HYOU1: variants seen among roughly 807,000 people sequenced by gnomAD.
HYOU1 encodes the protein hypoxia up-regulated 1, also known as hypoxia up-regulated protein 1.
A neutral mutation model predicts 120.5 loss-of-function variants in HYOU1; 40 were observed. The observed-to-expected ratio is 0.33, with a 90% CI of 0.26 to 0.43. HYOU1 has a LOEUF of 0.43. Ranked by LOEUF, HYOU1 falls within the 20% of genes least tolerant of loss-of-function variation. HYOU1 has a pLI of 1.00. For missense variants in HYOU1, 1,085 were observed against 1,278.3 expected (o/e 0.85, Z 2.31); for synonymous variants, 501 against 479.4 (o/e 1.05, Z -0.59).
At position 119,052,000 on chromosome 11, in the gene HYOU1, G is replaced by C. The variant is rs200570137; in HGVS notation, c.1206-49C>G. 6.2e-7 allele frequency: 1 copy of C among 1,612,964 alleles called. No individual in the cohort carries two copies. The highest frequency in any genetic ancestry group is 8.5e-7 in the Non-Finnish European group (1 of 1,179,236). ...ACGGTCTACCCTGGAGCATGCAACC[G>C]GGACTTCCCTCCCCTCAGCCCTCCA... On this transcript the variant is annotated intron_variant, in intron 11 of 25. Coordinates refer to ENST00000617285, the MANE Select transcript of HYOU1 (RefSeq NM_006389.5). The surrounding 1 kb of genome is among the most constrained non-coding windows in gnomAD (Gnocchi z 4.2).
intron 24 of HYOU1, 53 bp from the exon 25 acceptor site, chr11:119,045,884 G>A (rs2133545906): frequency 6.3e-7 from 1 of 1,574,846 alleles, no homozygotes; most frequent in South Asian, 1.1e-5. Context: ...AGAGGCTAAG[G>A]GAAGGCTGGG....
rs2133559577 is a variant in HYOU1 at position 119,047,937 on chromosome 11, G to T, written c.2510+10C>A. Reference sequence around the variant, plus strand: ...GGCAGGACTGCAAAAAGGGTTCAGGGGCTGCTCACTTGAGGAACATGCTGG... The same window carrying T: ...GGCAGGACTGCAAAAAGGGTTCAGGTGCTGCTCACTTGAGGAACATGCTGG... On this transcript the variant is annotated intron_variant, in intron 21 of 25. Coordinates refer to ENST00000617285, the MANE Select transcript of HYOU1 (RefSeq NM_006389.5). 6.2e-7 allele frequency: 1 copy of T among 1,614,172 alleles called. No individual in the cohort carries two copies. The highest frequency in any genetic ancestry group is 8.5e-7 in the Non-Finnish European group (1 of 1,180,030).
At position 119,047,982 on chromosome 11, in the gene HYOU1, G is replaced by A. The variant is rs200889803; in HGVS notation, c.2475C>T (p.Leu825=). 1.4e-4 allele frequency: 228 copies of A among 1,614,146 alleles called. No individual in the cohort carries two copies. The highest frequency in any genetic ancestry group is 1.8e-4 in the Non-Finnish European group (213 of 1,180,026). Residue 825 remains leucine, a synonymous_variant, in exon 21 of 26, where the codon CTC becomes CTT. Coordinates refer to ENST00000617285, the MANE Select transcript of HYOU1 (RefSeq NM_006389.5). The stretch of plus-strand genomic sequence containing the variant: ...TGCTGGAATGGTTGAGGAGATTATC[G>A]AGGGCAGACAGCCGTTCGGGCCACT... ...RKKWPERLSA[L]DNLLNHSSMF... is the part of the protein sequence containing the mutation.
chr11:119,049,268 G>T (rs782739531), intron 16 of HYOU1, 65 bp from the exon 17 acceptor site: 3 of 1,590,532 alleles, frequency 1.9e-6, no homozygotes, highest in East Asian at 2.2e-5. Context: ...GGCCTGGCTC[G>T]GCACCGCCGA....
rs1465972776 is a variant in HYOU1, at chr11:119,045,410, G to T, written c.*183C>A. On this transcript the variant is annotated 3_prime_UTR_variant, in exon 26 of 26. Coordinates refer to ENST00000617285, the MANE Select transcript of HYOU1 (RefSeq NM_006389.5). ...AACAGTTTCCATTTTTAACCACAGA[G>T]GTACTGCAGAAGGAACCAGTGAGCT... is the stretch of plus-strand genomic sequence containing the variant. 2.8e-6 allele frequency: 2 copies of T among 714,562 alleles called. No individual in the cohort carries two copies. The highest frequency in any genetic ancestry group is 3.5e-5 in the African/African-American group (2 of 57,816). 44.3% of individuals were successfully genotyped at this position (714,562 alleles called of 1,614,324 possible).
At chr11:119,053,955 C>T (rs1370226088) in intron 8 of HYOU1, 166 bp downstream of exon 8, 6 of 564,596 alleles carry the variant, frequency 1.1e-5, no homozygotes. Context: ...CCCTGAGCCT[C>T]AGCTTCCCCT....
intron 22 of HYOU1, chr11:119,047,478 C>A: frequency 2.2e-6 from 1 of 456,396 alleles, no homozygotes; most frequent in Admixed American, 3.7e-5. Flanking sequence ...CTGAACCTAG[C>A]TCAAATCCCA....
Position 119,049,204 on chromosome 11 carries a change from C to G in HYOU1, c.1807-1G>C. 6.3e-7 allele frequency: 1 copy of G among 1,591,176 alleles called. No individual in the cohort carries two copies. The highest frequency in any genetic ancestry group is 1.7e-4 in the Middle Eastern group (1 of 5,912). ...CCTCTGCAGGGCTCTCCTCTTCCTC[C>G]TGGGAAACACCACAGGCGCCCCAGG... On this transcript the variant is annotated splice_acceptor_variant, in intron 16 of 25. Transcript: ENST00000617285. LOFTEE classifies it high-confidence loss of function.
At position 119,045,484 on chromosome 11, in the gene HYOU1, G is replaced by A. The variant is rs1944005972; in HGVS notation, c.*109C>T. On this transcript the variant is annotated 3_prime_UTR_variant, in exon 26 of 26. Coordinates refer to ENST00000617285, the MANE Select transcript of HYOU1 (RefSeq NM_006389.5). ...ACCTCCAAATCACAGGGGTGAGAAA[G>A]GAACTCCAGCCGAGGGCAGGACCAA... is the stretch of plus-strand genomic sequence containing the variant. The A allele has an allele frequency of 1.1e-6, 1 of 948,886 alleles. No homozygotes were observed. The highest frequency in any genetic ancestry group is 1.7e-6 in the Non-Finnish European group (1 of 579,368). 58.8% of individuals were successfully genotyped at this position (948,886 alleles called of 1,614,324 possible). A position where few individuals can be genotyped will look rare whatever the true frequency, so the allele number is the denominator to read the frequency against.
At position 119,055,460 on chromosome 11, in the gene HYOU1, C is replaced by T. The variant is rs2133613406; in HGVS notation, c.264+33G>A. ...GGGGCTGCCATCTCCTCTCCTCTGC[C>T]CACCACTCTGGGAAGAGGGACTGCT... On this transcript the variant is annotated intron_variant, in intron 4 of 25. Coordinates refer to ENST00000617285, the MANE Select transcript of HYOU1 (RefSeq NM_006389.5). This position sits in a 1 kb window ranked among gnomAD's most constrained non-coding sequence, Gnocchi z 4.0. The T allele has an allele frequency of 2.5e-6, 4 of 1,610,202 alleles. No homozygotes were observed. Among genetic ancestry groups the T allele is most frequent in the Non-Finnish European group, 3.4e-6 (4 of 1,176,574 alleles).
chr11:119,049,965 T>C, intron 14 of HYOU1, 128 bp from the exon 15 acceptor site: 1 of 838,474 alleles, frequency 1.2e-6, no homozygotes. Context: ...ACCTGCCTTT[T>C]CTAAGGACTT....
At position 119,055,059 on chromosome 11, in the gene HYOU1, G is replaced by T; in HGVS notation, c.421C>A (p.Gln141Lys). 6.2e-7 allele frequency: 1 copy of T among 1,614,112 alleles called. No individual in the cohort carries two copies. Among genetic ancestry groups the T allele is most frequent in the Middle Eastern group, 1.6e-4 (1 of 6,062 alleles). ...RQTVHFQISS[Q>K]LQFSPEEVLG... is the part of the protein sequence containing the mutation. ...ACTTCCTCAGGTGAGAACTGCAGCT[G>T]CCTGAGGGGAAGGAAGGTAGTTGGA... The change falls in exon 6 of 26, where the codon CAG becomes AAG. Residue 141 changes from glutamine (Q) to lysine (K), a missense_variant and splice_region_variant. This residue lies in a region of HYOU1 where 515 missense variants were observed against 677.8 expected (regional missense o/e 0.76). Transcript: ENST00000617285. This position sits in a 1 kb window ranked among gnomAD's most constrained non-coding sequence, Gnocchi z 4.0.
Position 119,048,547 on chromosome 11 carries a change from G to A in HYOU1, c.2182C>T (p.Leu728Phe), listed in dbSNP as rs1944225026. ...QSVQKLQDLTLRDLEKQEREK... is the reference protein window; with the variant it reads ...QSVQKLQDLTFRDLEKQEREK... ...CGTTCCTGCTTCTCCAGGTCTCGGA[G>A]TGTCAAGTCCTGAAGTCTATGGGAC... Residue 728 changes from leucine (L) to phenylalanine (F), a missense_variant, in exon 19 of 26, where the codon CTC (leucine) becomes TTC (phenylalanine). By Grantham distance (22) the Leu-to-Phe change is conservative. Coordinates refer to ENST00000617285, the MANE Select transcript of HYOU1 (RefSeq NM_006389.5). The surrounding 1 kb of genome is among the most constrained non-coding windows in gnomAD (Gnocchi z 4.7). 2 of 1,614,060 alleles carry A rather than the reference G, an allele frequency of 1.2e-6. No homozygotes were observed. The highest frequency in any genetic ancestry group is 1.1e-5 in the South Asian group (1 of 91,078).
rs1943955840 is a variant in HYOU1 at position 119,044,421 on chromosome 11, TG to T, written c.*1171del. The T allele has an allele frequency of 6.6e-6, 1 of 152,120 alleles. No individual in the cohort carries two copies. 9.4% of individuals were successfully genotyped at this position (152,120 alleles called of 1,614,324 possible). A position where few individuals can be genotyped will look rare whatever the true frequency, so the allele number is the denominator to read the frequency against. On this transcript the variant is annotated 3_prime_UTR_variant, in exon 26 of 26. Transcript: ENST00000617285. The stretch of plus-strand genomic sequence containing the variant: ...GACACAGCCAGGTTCATTCTTGTCT[TG>T]GAGCTGAGGCAGCAGCCCTAGCTCC...
Position 119,055,461 on chromosome 11 carries a change from C to A in HYOU1, c.264+32G>T. The A allele has an allele frequency of 6.2e-7, 1 of 1,610,596 alleles. No homozygotes were observed. The highest frequency in any genetic ancestry group is 8.5e-7 in the Non-Finnish European group (1 of 1,176,940). ...GGGCTGCCATCTCCTCTCCTCTGCC[C>A]ACCACTCTGGGAAGAGGGACTGCTA... On this transcript the variant is annotated intron_variant, in intron 4 of 25. Coordinates refer to ENST00000617285, the MANE Select transcript of HYOU1 (RefSeq NM_006389.5). This position sits in a 1 kb window ranked among gnomAD's most constrained non-coding sequence, Gnocchi z 4.0.
chr11:119,053,114 C>T (rs144131348), intron 8 of HYOU1: 290 of 379,488 alleles, frequency 7.6e-4, no homozygotes, highest in African/African-American at 5.0e-3. Context: ...GAGACAGGGT[C>T]CCTGCTATGG....
In HYOU1 at chr11:119,045,366, G is replaced by A. The variant is rs1050111605; in HGVS notation, c.*227C>T. On this transcript the variant is annotated 3_prime_UTR_variant, in exon 26 of 26. Coordinates refer to ENST00000617285, the MANE Select transcript of HYOU1 (RefSeq NM_006389.5). ...AGGGCCTATATGGGTAGGGAACAGG[G>A]AGTGGGGCTGGGGAGGAGAACAGTT... The A allele has an allele frequency of 1.5e-6, 1 of 682,642 alleles. No homozygotes were observed. The highest frequency in any genetic ancestry group is 2.7e-6 in the Non-Finnish European group (1 of 373,562). The allele number at this position is 682,642 out of a possible 1,614,324, so 42.3% of individuals were successfully genotyped here. A position where few individuals can be genotyped will look rare whatever the true frequency, so the allele number is the denominator to read the frequency against.
In HYOU1 at chr11:119,048,943, C is replaced by A; in HGVS notation, c.1993-57G>T. The A allele has an allele frequency of 6.2e-7, 1 of 1,609,034 alleles. No individual in the cohort carries two copies. The stretch of plus-strand genomic sequence containing the variant: ...AGCCTCTGCCCTCCTACATTCTCCA[C>A]AAGGCCAGAAACAAGGCAGGCGCCT... On this transcript the variant is annotated intron_variant, in intron 17 of 25. Transcript: ENST00000617285. This position sits in a 1 kb window ranked among gnomAD's most constrained non-coding sequence, Gnocchi z 4.7.
chr11:119,050,975 G>T, intron 14 of HYOU1, 60 bp downstream of exon 14: 5 of 1,591,970 alleles, frequency 3.1e-6, no homozygotes, highest in Non-Finnish European at 4.3e-6. Context: ...AACCCACTTT[G>T]GAAATGGCTG....
Sources: gnomAD v4.1 joint callset for allele counts on GRCh38, gnomAD v4.1.1 for gene constraint, gnomAD v4.1.1 regional missense constraint, Gnocchi (gnomAD v3.1) non-coding constraint, MANE v1.5 for transcripts, NCBI Gene and HGNC (gene_info 2026-07-23, HGNC 2026-07-21) for gene names.